Variants in THSD7A observed in about 807,000 individuals in gnomAD.
THSD7A encodes thrombospondin type-1 domain-containing protein 7A.
A neutral mutation model predicts 231.3 loss-of-function variants in THSD7A; 96 were observed. The ratio of observed to expected loss-of-function variants is 0.41; its 90% CI spans 0.35 to 0.49. THSD7A has a LOEUF of 0.49. Among genes scored for constraint, THSD7A ranks in the 20% least tolerant of loss-of-function variants. The pLI, the probability that THSD7A is intolerant of heterozygous loss-of-function variation, is 0.05. For synonymous variants in THSD7A, 940 were observed against 743.3 expected, an observed-to-expected ratio of 1.26 and a Z score of -4.30; for missense variants, 2,290 against 2,070.2, an observed-to-expected ratio of 1.11 and a Z score of -2.06.
At chr7:11,409,270 G>C (rs546115833) in intron 19 of THSD7A, among the ~76,000 whole-genome samples, 1 of 152,248 alleles carries the variant, frequency 6.6e-6, no homozygotes, top group African/African-American at 2.4e-5. Flanking sequence ...AGATAACAAT[G>C]CCATCTTTCT....
At chr7:11,481,747 T>G in intron 7 of THSD7A, 41 bp downstream of exon 7, 1 of 1,528,814 alleles carries the variant, frequency 6.5e-7, no homozygotes, top group Non-Finnish European at 8.8e-7. Context: ...CACACTAACT[T>G]TTGAAACGAA....
chr7:11,394,803 C>T (rs981224707), intron 23 of THSD7A, among the ~76,000 whole-genome samples: 4 of 152,090 alleles, frequency 2.6e-5, no homozygotes, highest in Non-Finnish European at 4.4e-5. Flanking sequence ...TACCTGTGGC[C>T]GAGTACTCAT....
chr7:11,642,478 A>G (rs939612260), intron 1 of THSD7A, among the ~76,000 whole-genome samples: 4 of 152,166 alleles, frequency 2.6e-5, no homozygotes, highest in Admixed American at 2.0e-4. Flanking sequence ...ACTCAGTATC[A>G]TACAAAGCAC....
intron 1 of THSD7A, among the ~76,000 whole-genome samples, chr7:11,710,088 CTAT>C (rs1780900502): frequency 2.0e-5 from 3 of 150,494 alleles, no homozygotes; most frequent in Non-Finnish European, 4.5e-5. Flanking sequence ...AGAATAAATG[CTAT>C]TTTTTTTTAA....
At chr7:11,775,033 G>C (rs995953749) in intron 1 of THSD7A, among the ~76,000 whole-genome samples, 2 of 152,036 alleles carry the variant, frequency 1.3e-5, no homozygotes, top group African/African-American at 4.8e-5. Context: ...GACAGAGTGA[G>C]ATTTGTCTCA....
Position 11,831,620 on chromosome 7 carries a change from A to C in THSD7A, c.190+137T>G. ...TCGGACATGACCTATTTGCTTCCTA[A>C]GAAATCATACTTTTTACCTTAGGAT... On this transcript the variant is annotated intron_variant, in intron 1 of 27. Transcript: ENST00000423059. The surrounding 1 kb of genome is among the most constrained non-coding windows in gnomAD (Gnocchi z 5.0). The C allele has an allele frequency of 1.9e-6, 1 of 519,410 alleles. No individual in the cohort carries two copies. The highest frequency in any genetic ancestry group is 2.9e-6 in the Non-Finnish European group (1 of 344,836). 32.2% of individuals were successfully genotyped at this position (519,410 alleles called of 1,614,324 possible). A position where few individuals can be genotyped will look rare whatever the true frequency, so the allele number is the denominator to read the frequency against.
chr7:11,614,803 T>A (rs942417703), intron 2 of THSD7A, among the ~76,000 whole-genome samples: 2 of 152,172 alleles, frequency 1.3e-5, no homozygotes, highest in African/African-American at 4.8e-5. Context: ...CACATTAAGA[T>A]AAATTTTGGA....
At chr7:11,603,670 C>T (rs1780630480) in intron 2 of THSD7A, among the ~76,000 whole-genome samples, 3 of 151,418 alleles carry the variant, frequency 2.0e-5, no homozygotes, top group South Asian at 2.1e-4. Flanking sequence ...AAATGTGGCA[C>T]ATATACACCA....
chr7:11,544,859 T>C (rs539379097), intron 4 of THSD7A, among the ~76,000 whole-genome samples: 1 of 114,654 alleles, frequency 8.7e-6, no homozygotes, highest in South Asian at 3.0e-4. Context: ...AATAAATAAC[T>C]GGGCACTAAT....
chr7:11,699,509 T>A (rs186229861), intron 1 of THSD7A, among the ~76,000 whole-genome samples: 1 of 151,356 alleles, frequency 6.6e-6, no homozygotes, highest in East Asian at 2.0e-4. Context: ...TTATGACAAC[T>A]AAATGCTTAG....
At chr7:11,387,924 G>A (rs1021760863) in intron 23 of THSD7A, among the ~76,000 whole-genome samples, 1 of 152,182 alleles carries the variant, frequency 6.6e-6, no homozygotes, top group Non-Finnish European at 1.5e-5. Flanking sequence ...ATGAATGGGT[G>A]TTGAATTTTG....
chr7:11,593,247 T>C lies in THSD7A; in HGVS notation c.1271+7A>G, dbSNP rs1348764731. The C allele has an allele frequency of 6.2e-7, 1 of 1,613,544 alleles. No homozygotes were observed. Among genetic ancestry groups the C allele is most frequent in the Non-Finnish European group, 8.5e-7 (1 of 1,179,844 alleles). On this transcript the variant is annotated splice_region_variant and intron_variant, in intron 3 of 27. Transcript: ENST00000423059. ...GGCAGACGCTATACCCTTCTTTATT[T>C]ACTCACGTGGCACAGGGGACAACTC...
intron 1 of THSD7A, among the ~76,000 whole-genome samples, chr7:11,647,757 A>G (rs1307029857): frequency 6.6e-6 from 1 of 152,058 alleles, no homozygotes; most frequent in African/African-American, 2.4e-5. Flanking sequence ...TTGCTGTTCT[A>G]TTTGTGTTAG....
intron 22 of THSD7A, among the ~76,000 whole-genome samples, chr7:11,403,549 T>C (rs891753596): frequency 6.6e-6 from 1 of 152,172 alleles, no homozygotes; most frequent in African/African-American, 2.4e-5. Context: ...CTGCTAAAGT[T>C]AAAAAAATTC....
At chr7:11,404,330 A>C (rs879290537) in intron 22 of THSD7A, among the ~76,000 whole-genome samples, 4 of 152,192 alleles carry the variant, frequency 2.6e-5, no homozygotes, top group African/African-American at 7.2e-5. Flanking sequence ...TAATGAAATC[A>C]TGTGAGGAGT....
intron 1 of THSD7A, among the ~76,000 whole-genome samples, chr7:11,681,011 A>C (rs4521654): frequency 0.76 from 116,303 of 152,104 alleles, 45,153 homozygotes; most frequent in African/African-American, 0.9. Flanking sequence ...CCATAGAATA[A>C]TATGCAGCCA....
intron 1 of THSD7A, among the ~76,000 whole-genome samples, chr7:11,753,273 T>A (rs2128165524): frequency 6.6e-6 from 1 of 152,248 alleles, no homozygotes; most frequent in South Asian, 2.1e-4. Context: ...TAATTTGCAT[T>A]TCTAAACTTG....
chr7:11,528,877 G>C (rs952341771), intron 6 of THSD7A, among the ~76,000 whole-genome samples: 1 of 151,818 alleles, frequency 6.6e-6, no homozygotes, highest in African/African-American at 2.4e-5. Flanking sequence ...CCTCAGCTTC[G>C]ACTTAACACA....
chr7:11,408,743 A>G (rs961204962), intron 19 of THSD7A, among the ~76,000 whole-genome samples: 1 of 152,192 alleles, frequency 6.6e-6, no homozygotes, highest in African/African-American at 2.4e-5. Flanking sequence ...AGAGAGGATC[A>G]GATCAAAGCT....
Sources: allele counts gnomAD v4.1 joint callset (sites outside exome capture counted in the v4.1 genomes callset), GRCh38; gene constraint gnomAD v4.1.1; non-coding constraint Gnocchi (gnomAD v3.1); transcripts MANE v1.5; gene names NCBI Gene and HGNC (gene_info 2026-07-23, HGNC 2026-07-21).